LINGO2: variants seen among roughly 807,000 people sequenced by gnomAD.
LINGO2 encodes the protein leucine-rich repeat and immunoglobulin-like domain-containing nogo receptor-interacting protein 2.
Under a neutral mutation model 30.6 loss-of-function variants are expected in LINGO2, and 14 were observed. The observed-to-expected ratio is 0.46, with a 90% CI of 0.30 to 0.72. LINGO2 has a LOEUF of 0.72. Among genes scored for constraint, LINGO2 ranks in the 30% least tolerant of loss-of-function variants. The pLI is 0.07. For synonymous variants in LINGO2, 317 were observed against 288.5 expected (o/e 1.10, Z -1.00); for missense variants, 729 against 751.7 (o/e 0.97, Z 0.35).
the LINGO2 span, among the ~76,000 whole-genome samples, chr9:28,740,504 A>T: frequency 6.6e-6 from 1 of 151,844 alleles, no homozygotes. Flanking sequence ...ACAAACATAC[A>T]TCTTTAATAT....
the LINGO2 span, among the ~76,000 whole-genome samples, chr9:28,860,677 CATAT>C: frequency 0.041 from 6,045 of 147,110 alleles, 405 homozygotes; most frequent in African/African-American, 0.14. Flanking sequence ...ATATATATTT[CATAT>C]ATATATATAT....
At chr9:28,038,770 CAACA>C (rs1010418472) in intron 4 of LINGO2, among the ~76,000 whole-genome samples, 2 of 151,844 alleles carry the variant, frequency 1.3e-5, no homozygotes, top group South Asian at 2.1e-4. Flanking sequence ...TCAAACACTC[CAACA>C]AACAAAATGT....
chr9:28,258,976 T>C (rs1357582325), intron 4 of LINGO2, among the ~76,000 whole-genome samples: 3 of 151,844 alleles, frequency 2.0e-5, no homozygotes, highest in Non-Finnish European at 4.4e-5. Flanking sequence ...ATTGGTCCCA[T>C]ACCAACTTTA....
the LINGO2 span, among the ~76,000 whole-genome samples, chr9:28,872,945 T>A: frequency 1.3e-3 from 199 of 152,246 alleles, 1 homozygote; most frequent in African/African-American, 4.6e-3. Context: ...AGGATTAGGA[T>A]TCCATTTGCA....
At chr9:29,161,135 G>C in the LINGO2 span, among the ~76,000 whole-genome samples, 2 of 152,238 alleles carry the variant, frequency 1.3e-5, no homozygotes, top group African/African-American at 4.8e-5. Context: ...GCAAGGGAGA[G>C]ACAGCTGTGC....
At chr9:28,642,985 A>C (rs1827668276) in intron 1 of LINGO2, among the ~76,000 whole-genome samples, 1 of 152,230 alleles carries the variant, frequency 6.6e-6, no homozygotes, top group Non-Finnish European at 1.5e-5. Flanking sequence ...TACTGAAAAA[A>C]GTGAAATAGC....
intron 2 of LINGO2, among the ~76,000 whole-genome samples, chr9:28,396,509 C>G (rs1454119707): frequency 6.6e-6 from 1 of 151,832 alleles, no homozygotes; most frequent in Non-Finnish European, 1.5e-5. Context: ...TCAAGACCAT[C>G]CAGGCTAACG....
chr9:28,084,888 G>A (rs1452489753), intron 4 of LINGO2, among the ~76,000 whole-genome samples: 1 of 152,066 alleles, frequency 6.6e-6, no homozygotes. Context: ...AATGGGTGAG[G>A]GCCCTTGGAG....
the LINGO2 span, among the ~76,000 whole-genome samples, chr9:28,709,407 G>A: frequency 1.3e-5 from 2 of 151,784 alleles, no homozygotes; most frequent in African/African-American, 4.8e-5. Context: ...GAGTAAGAAT[G>A]GTTTGTTGTT....
chr9:28,430,161 T>G (rs1163290858), intron 2 of LINGO2, among the ~76,000 whole-genome samples: 1 of 151,972 alleles, frequency 6.6e-6, no homozygotes, highest in East Asian at 1.9e-4. Flanking sequence ...ATTCTTAGTT[T>G]CATTTCAATG....
rs73644051 is a variant in LINGO2 at position 28,518,628 on chromosome 9, C to T, written c.-364-42603G>A. Among the ~76,000 whole-genome samples, 486 of 152,272 alleles carry T rather than the reference C, an allele frequency of 3.2e-3. 1 individual carries two copies. Among genetic ancestry groups the T allele is most frequent in the African/African-American group, 0.01 (422 of 41,564 alleles). On this transcript the variant is annotated intron_variant, in intron 1 of 5. Transcript: ENST00000379992. ...CATAGCTGAGAGAATTCTGCACAGA[C>T]GGGCCTTATTAACATAACTCATCTT...
chr9:27,993,891 C>T (rs72722851), intron 5 of LINGO2, among the ~76,000 whole-genome samples: 13,717 of 151,536 alleles, frequency 0.091, 777 homozygotes, highest in Non-Finnish European at 0.13. Flanking sequence ...GCAATATAGA[C>T]CATATGTTAG....
the LINGO2 span, among the ~76,000 whole-genome samples, chr9:28,950,590 A>G: frequency 4.6e-5 from 7 of 152,146 alleles, no homozygotes; most frequent in Non-Finnish European, 7.4e-5. Context: ...AAGCATTCCT[A>G]TACAACAATA....
intron 4 of LINGO2, among the ~76,000 whole-genome samples, chr9:28,217,416 C>T (rs1413051793): frequency 6.6e-6 from 1 of 150,790 alleles, no homozygotes; most frequent in Admixed American, 6.6e-5. Context: ...TCAAGATTCA[C>T]AAAAAAAAGA....
At chr9:28,599,847 C>A (rs1258481971) in intron 1 of LINGO2, among the ~76,000 whole-genome samples, 1 of 152,032 alleles carries the variant, frequency 6.6e-6, no homozygotes, top group South Asian at 2.1e-4. Context: ...CAATTAAGCA[C>A]AAGATTAGCT....
the LINGO2 span, among the ~76,000 whole-genome samples, chr9:29,051,774 A>G: frequency 6.6e-6 from 1 of 152,254 alleles, no homozygotes; most frequent in Middle Eastern, 3.4e-3. Flanking sequence ...TTTTGGACTC[A>G]GGAAGCTTGC....
intron 4 of LINGO2, among the ~76,000 whole-genome samples, chr9:28,055,732 C>T (rs1824904074): frequency 6.6e-6 from 1 of 152,144 alleles, no homozygotes; most frequent in Admixed American, 6.6e-5. Flanking sequence ...AAGATATGTA[C>T]TCAAAGACAA....
chr9:28,382,300 A>G (rs1230536012), intron 2 of LINGO2, among the ~76,000 whole-genome samples: 1 of 152,142 alleles, frequency 6.6e-6, no homozygotes, highest in African/African-American at 2.4e-5. Context: ...CAAAATCCCA[A>G]ATGTCTAGAA....
At chr9:29,208,003 C>A in the LINGO2 span, among the ~76,000 whole-genome samples, 1 of 151,806 alleles carries the variant, frequency 6.6e-6, no homozygotes, top group African/African-American at 2.4e-5. Context: ...AGCATTAAAG[C>A]CAATAAAATA....
Sources: allele counts gnomAD v4.1 joint callset (sites outside exome capture counted in the v4.1 genomes callset), GRCh38; gene constraint gnomAD v4.1.1; transcripts MANE v1.5; gene names NCBI Gene and HGNC (gene_info 2026-07-23, HGNC 2026-07-21).